The following NCALD variants were observed in gnomAD, a reference collection of about 807,000 sequenced individuals.
NCALD encodes the protein neurocalcin delta, also known as neurocalcin-delta.
Under a neutral mutation model 18.6 loss-of-function variants are expected in NCALD, and 10 were observed. The ratio of observed to expected loss-of-function variants is 0.54; its 90% CI spans 0.33 to 0.91. The LOEUF is 0.91. NCALD is among the 40% of genes least tolerant of loss of function. The pLI, the probability that NCALD is intolerant of heterozygous loss-of-function variation, is 0.03. For synonymous variants in NCALD, 88 were observed against 87.4 expected (o/e 1.01, Z -0.04); for missense variants, 184 against 247.6 (o/e 0.74, Z 1.72).
At chr8:101,962,353 CA>C (rs1423137275) in intron 2 of NCALD, among the ~76,000 whole-genome samples, 3 of 152,198 alleles carry the variant, frequency 2.0e-5, no homozygotes, top group Non-Finnish European at 2.9e-5. Context: ...GAAACAAACA[CA>C]AAAGAAGGAT....
intron 1 of NCALD, among the ~76,000 whole-genome samples, chr8:102,075,025 G>A (rs1233504211): frequency 6.6e-6 from 1 of 152,174 alleles, no homozygotes; most frequent in Non-Finnish European, 1.5e-5. Context: ...AAAGGAAGGA[G>A]GAAGGGGAAA....
chr8:101,724,996 C>T (rs1362448043), intron 1 of NCALD, among the ~76,000 whole-genome samples: 4 of 152,182 alleles, frequency 2.6e-5, no homozygotes, highest in African/African-American at 9.7e-5. Context: ...GGGTGAGGCA[C>T]TCCTAGGCAC....
intron 1 of NCALD, among the ~76,000 whole-genome samples, chr8:102,120,723 A>G (rs1825922230): frequency 6.6e-6 from 1 of 152,236 alleles, no homozygotes; most frequent in Non-Finnish European, 1.5e-5. Context: ...ACACAACAGA[A>G]TTGAGTCCTA....
intron 1 of NCALD, among the ~76,000 whole-genome samples, chr8:102,075,510 T>C (rs1354689257): frequency 6.6e-6 from 1 of 152,226 alleles, no homozygotes. Flanking sequence ...TAAATTAGAA[T>C]AATCTGGATA....
At chr8:101,720,457 C>T (rs1361697996) in intron 1 of NCALD, among the ~76,000 whole-genome samples, 2 of 152,168 alleles carry the variant, frequency 1.3e-5, no homozygotes, top group East Asian at 1.9e-4. Flanking sequence ...ACTTCAAATA[C>T]TAACCCTGAG....
intron 4 of NCALD, among the ~76,000 whole-genome samples, chr8:101,833,064 C>T (rs956477956): frequency 3.3e-5 from 5 of 152,202 alleles, no homozygotes; most frequent in Admixed American, 6.5e-5. Flanking sequence ...AAGTTCATGG[C>T]AGCTTGCTTT....
chr8:102,102,471 C>A lies in NCALD; in HGVS notation c.-210+21766G>T, dbSNP rs548976406. Among the ~76,000 whole-genome samples the A allele has an allele frequency of 1.4e-3, 212 of 152,330 alleles. 1 individual carries two copies. The highest frequency in any genetic ancestry group is 2.4e-3 in the Non-Finnish European group (162 of 68,032). ...CATGCGTCAGAGCTGGCAGGGACAC[C>A]AGAGGACATGGAGCAGTCTTCCGCC... is the stretch of plus-strand genomic sequence containing the variant. On this transcript the variant is annotated intron_variant, in intron 1 of 6. Coordinates refer to the NCALD transcript ENST00000311028.
intron 2 of NCALD, among the ~76,000 whole-genome samples, chr8:101,982,261 C>G (rs1270623676): frequency 6.6e-6 from 1 of 152,160 alleles, no homozygotes; most frequent in Non-Finnish European, 1.5e-5. Context: ...AACACACATT[C>G]TAAGCCAAAG....
chr8:101,917,356 T>C (rs1054485022), intron 2 of NCALD, among the ~76,000 whole-genome samples: 1 of 152,150 alleles, frequency 6.6e-6, no homozygotes, highest in African/African-American at 2.4e-5. Flanking sequence ...AGCAAAGTTA[T>C]AGCACTAAAC....
At chr8:101,971,225 G>A (rs759039891) in intron 2 of NCALD, among the ~76,000 whole-genome samples, 1 of 152,042 alleles carries the variant, frequency 6.6e-6, no homozygotes, top group Non-Finnish European at 1.5e-5. Flanking sequence ...CAGATATGAA[G>A]CACGAGATGT....
At chr8:101,707,393 C>T (rs1227849985) in intron 2 of NCALD, among the ~76,000 whole-genome samples, 2 of 152,046 alleles carry the variant, frequency 1.3e-5, no homozygotes, top group Non-Finnish European at 2.9e-5. Flanking sequence ...ATCTGGTGCC[C>T]GAGGAGGATA....
chr8:101,820,268 G>A (rs1010078538), intron 4 of NCALD, among the ~76,000 whole-genome samples: 1 of 152,106 alleles, frequency 6.6e-6, no homozygotes, highest in Non-Finnish European at 1.5e-5. Context: ...TTTTAAACCA[G>A]GGACTTTGCC....
chr8:101,878,290 T>G (rs1816314825), intron 4 of NCALD, among the ~76,000 whole-genome samples: 1 of 152,228 alleles, frequency 6.6e-6, no homozygotes, highest in Non-Finnish European at 1.5e-5. Context: ...AATCTTACAT[T>G]TTAAACTTTG....
At position 101,938,554 on chromosome 8, in the gene NCALD, C is replaced by A. The variant is rs141320161; in HGVS notation, c.-156-22696G>T. Among the ~76,000 whole-genome samples, 596 of 152,018 alleles carry A rather than the reference C, an allele frequency of 3.9e-3. 1 individual carries two copies. The highest frequency in any genetic ancestry group is 6.6e-3 in the Non-Finnish European group (447 of 67,992). ...GATCACATATATCGGGATAATAATG[C>A]GAAGACAAGATCAAAATTGTAGCAT... On this transcript the variant is annotated intron_variant, in intron 2 of 6. Transcript: ENST00000311028.
At chr8:101,916,844 C>A (rs1817986605) in intron 2 of NCALD, among the ~76,000 whole-genome samples, 1 of 151,952 alleles carries the variant, frequency 6.6e-6, no homozygotes, top group South Asian at 2.1e-4. Flanking sequence ...ATCAGAGCAC[C>A]CAGATTCATA....
intron 2 of NCALD, among the ~76,000 whole-genome samples, chr8:101,709,347 AT>A (rs1222436181): frequency 1.3e-5 from 2 of 152,172 alleles, no homozygotes; most frequent in African/African-American, 4.8e-5. Context: ...TCACATGCCT[AT>A]TCTTCCTTTG....
chr8:102,003,299 C>T (rs949179019), intron 2 of NCALD, among the ~76,000 whole-genome samples: 4 of 152,128 alleles, frequency 2.6e-5, no homozygotes, highest in Admixed American at 6.5e-5. Flanking sequence ...ATAAATTCCT[C>T]GACATATACA....
intron 1 of NCALD, among the ~76,000 whole-genome samples, chr8:101,755,087 G>T (rs1201367285): frequency 6.6e-6 from 1 of 152,188 alleles, no homozygotes; most frequent in African/African-American, 2.4e-5. Flanking sequence ...ATTTCTTTGT[G>T]TGTGAGTCTC....
chr8:101,827,183 G>A (rs930252697), intron 4 of NCALD, among the ~76,000 whole-genome samples: 3 of 152,112 alleles, frequency 2.0e-5, no homozygotes, highest in Admixed American at 6.5e-5. Flanking sequence ...TTATGGCTGC[G>A]TCACTACAGT....
Sources: allele counts gnomAD v4.1 joint callset (sites outside exome capture counted in the v4.1 genomes callset), GRCh38; gene constraint gnomAD v4.1.1; transcripts MANE v1.5; gene names NCBI Gene and HGNC (gene_info 2026-07-23, HGNC 2026-07-21).